The following CFAP53 variants were observed in gnomAD, a reference collection of about 807,000 sequenced individuals.
The protein encoded by CFAP53 is cilia and flagella associated protein 53.
CFAP53 carries 62 observed loss-of-function variants against 59.7 expected under a neutral mutation model. The ratio of observed to expected loss-of-function variants is 1.04; its 90% confidence interval spans 0.85 to 1.28. The LOEUF (loss-of-function observed/expected upper bound fraction) is 1.28, where lower values mean the gene tolerates loss of function less well. Ranked by LOEUF, CFAP53 falls within the 50% of genes most tolerant of loss-of-function variation. CFAP53 has a pLI of 0.00. For synonymous variants in CFAP53, 218 were observed against 205.7 expected (o/e 1.06, Z -0.51); for missense variants, 629 against 615.6 (o/e 1.02, Z -0.23).
chr18:50,251,330 G>A, intron 4 of CFAP53, 151 bp downstream of exon 4: 1 of 697,082 alleles, frequency 1.4e-6, no homozygotes, highest in East Asian at 2.7e-5. Flanking sequence ...CACACATTTG[G>A]ATACATTATT....
intron 2 of CFAP53, among the ~76,000 whole-genome samples, chr18:50,261,655 G>A (rs574628546): frequency 7.9e-5 from 12 of 152,100 alleles, no homozygotes; most frequent in Admixed American, 2.6e-4. Context: ...GCCTCCCAAA[G>A]TGGTAGGATT....
chr18:50,245,167 G>A, intron 5 of CFAP53, among the ~76,000 whole-genome samples: 1 of 151,252 alleles, frequency 6.6e-6, no homozygotes, highest in Non-Finnish European at 1.5e-5. Flanking sequence ...TGGATCATGA[G>A]GTCAGGAGAT....
chr18:50,245,426 G>A (rs1157333336), intron 5 of CFAP53, among the ~76,000 whole-genome samples: 2 of 149,986 alleles, frequency 1.3e-5, no homozygotes, highest in Admixed American at 6.6e-5. Context: ...AACGAGTTTA[G>A]CAATGTTGCA....
At chr18:50,251,813 C>T (rs749126349) in intron 3 of CFAP53, 29 bp from the exon 4 acceptor site, 2 of 1,595,788 alleles carry the variant, frequency 1.3e-6, no homozygotes, top group Non-Finnish European at 1.7e-6. Context: ...AAAGACAAAA[C>T]CCAGCCTTTC....
intron 6 of CFAP53, among the ~76,000 whole-genome samples, chr18:50,240,152 C>G (rs1355632372): frequency 6.6e-6 from 1 of 151,924 alleles, no homozygotes; most frequent in East Asian, 1.9e-4. Flanking sequence ...TCATCTGCCC[C>G]ACCCTGACTC....
At chr18:50,238,048 A>C (rs1599116462) in intron 7 of CFAP53, among the ~76,000 whole-genome samples, 1 of 152,210 alleles carries the variant, frequency 6.6e-6, no homozygotes, top group Admixed American at 6.5e-5. Flanking sequence ...ATTTTTAAAG[A>C]TATTCATCCA....
chr18:50,229,179 T>C (rs1333182910), intron 7 of CFAP53, among the ~76,000 whole-genome samples: 1 of 152,206 alleles, frequency 6.6e-6, no homozygotes, highest in African/African-American at 2.4e-5. Context: ...TAAGTCTCCA[T>C]ATTGCTGTAA....
chr18:50,236,775 A>C (rs1402536277), intron 7 of CFAP53, among the ~76,000 whole-genome samples: 2 of 152,140 alleles, frequency 1.3e-5, no homozygotes, highest in Non-Finnish European at 2.9e-5. Flanking sequence ...CTTCAATGAC[A>C]TGAGATGTTC....
At chr18:50,237,796 C>A (rs531526255) in intron 7 of CFAP53, among the ~76,000 whole-genome samples, 7 of 152,258 alleles carry the variant, frequency 4.6e-5, no homozygotes, top group African/African-American at 1.7e-4. Context: ...CAGCCTAAGG[C>A]CTGTCAGAGG....
rs111345434 is a variant in CFAP53 at position 50,258,984 on chromosome 18, G to T, written c.473+2080C>A. On this transcript the variant is annotated intron_variant, in intron 3 of 7. Coordinates refer to ENST00000398545, the MANE Select transcript of CFAP53 (RefSeq NM_145020.5). Reference sequence around the variant, plus strand: ...ATCTTGGTGAGGATGCAGAGAAAAGGGAACCCTTGTACACTGTTTGTGGGA... The same window carrying T: ...ATCTTGGTGAGGATGCAGAGAAAAGTGAACCCTTGTACACTGTTTGTGGGA... 5.7e-3 allele frequency among the ~76,000 whole-genome samples: 873 copies of T among 152,268 alleles called. 7 individuals are homozygous for T. Among genetic ancestry groups the T allele is most frequent in the African/African-American group, 0.02 (831 of 41,542 alleles).
At chr18:50,230,946 T>C (rs2033578037) in intron 7 of CFAP53, among the ~76,000 whole-genome samples, 1 of 152,182 alleles carries the variant, frequency 6.6e-6, no homozygotes, top group African/African-American at 2.4e-5. Context: ...GTGTATCCTA[T>C]TTAGGGAAAA....
chr18:50,242,919 T>G lies in CFAP53; in HGVS notation c.1194A>C (p.Lys398Asn), dbSNP rs566811364. ...QLVDEVMCTR[K>N]LQVQEKLQRE... ...CCTTACACTTTTCTTGAACTTGAAG[T>G]TTTCTTGTACACATGACCTCATCCA... Residue 398 changes from lysine (K) to asparagine (N), a missense_variant, in exon 6 of 8, where the codon AAA becomes AAC. Coordinates refer to ENST00000398545, the MANE Select transcript of CFAP53 (RefSeq NM_145020.5). The G allele has an allele frequency of 6.2e-7, 1 of 1,613,454 alleles. No homozygotes were observed. The highest frequency in any genetic ancestry group is 1.3e-5 in the African/African-American group (1 of 75,042).
In CFAP53 at chr18:50,262,122, G is replaced by C. The variant is rs1315920552; in HGVS notation, c.167C>G (p.Ser56Ter). ...AGCTTTCAAGCGATCCCGCTCACTT[G>C]ACTTAATGGAAGCCAAAATAGCATT... is the stretch of plus-strand genomic sequence containing the variant. ...KHNAILASIK[S>*]SERDRLKAEW... is the part of the protein sequence containing the mutation. Residue 56 changes from serine (S) to a stop codon, truncating the protein, a stop_gained, in exon 2 of 8, where the codon TCA (serine) becomes TGA (stop). Coordinates refer to ENST00000398545, the MANE Select transcript of CFAP53 (RefSeq NM_145020.5). LOFTEE classifies it high-confidence loss of function. The C allele has an allele frequency of 6.2e-7, 1 of 1,614,080 alleles. No individual in the cohort carries two copies. Among genetic ancestry groups the C allele is most frequent in the East Asian group, 2.2e-5 (1 of 44,896 alleles).
At chr18:50,231,986 G>A (rs1400478397) in intron 7 of CFAP53, among the ~76,000 whole-genome samples, 1 of 152,132 alleles carries the variant, frequency 6.6e-6, no homozygotes, top group Non-Finnish European at 1.5e-5. Context: ...CTTGTACCTG[G>A]ACTGGCCATC....
intron 7 of CFAP53, among the ~76,000 whole-genome samples, chr18:50,233,858 A>C (rs2033605650): frequency 6.6e-6 from 1 of 152,154 alleles, no homozygotes; most frequent in African/African-American, 2.4e-5. Context: ...ATTCAACTAC[A>C]CCATTTACAC....
chr18:50,254,588 A>G (rs1872672745), intron 3 of CFAP53, among the ~76,000 whole-genome samples: 1 of 152,192 alleles, frequency 6.6e-6, no homozygotes, highest in South Asian at 2.1e-4. Flanking sequence ...TTTATTAAAA[A>G]AGAAAAAATT....
At position 50,227,216 on chromosome 18, in the gene CFAP53, T is replaced by C; in HGVS notation, c.*165A>G. 1 of 597,562 alleles carries C rather than the reference T, an allele frequency of 1.7e-6. No individual in the cohort carries two copies. The highest frequency in any genetic ancestry group is 2.9e-6 in the Non-Finnish European group (1 of 343,666). 37.0% of individuals were successfully genotyped at this position (597,562 alleles called of 1,614,324 possible). On this transcript the variant is annotated 3_prime_UTR_variant, in exon 8 of 8. Coordinates refer to ENST00000398545, the MANE Select transcript of CFAP53 (RefSeq NM_145020.5). ...CATTTGGATTTGTAAGTCTGTGAAC[T>C]CCAAAATAGGCACAGGTTTATTCAA...
Position 50,251,689 on chromosome 18 carries a change from A to G in CFAP53, c.569T>C (p.Leu190Pro). The G allele has an allele frequency of 6.2e-6, 10 of 1,614,186 alleles. No homozygotes were observed. Among genetic ancestry groups the G allele is most frequent in the Non-Finnish European group, 7.6e-6 (9 of 1,180,030 alleles). Residue 190 changes from leucine to proline, a missense_variant, in exon 4 of 8, where the codon CTG becomes CCG. Physicochemically the swap from Leu to Pro is moderately conservative, Grantham distance 98 (BLOSUM62 -3). Coordinates refer to ENST00000398545, the MANE Select transcript of CFAP53 (RefSeq NM_145020.5). ...RKAQIAFNEELSRQKLVEEQM... is the reference protein window; with the variant it reads ...RKAQIAFNEEPSRQKLVEEQM... ...CTCTTCCACCAGCTTTTGCCTGCTCAGCTCCTCATTAAATGCAATCTGTGC... is the reference window on the plus strand; with the variant it reads ...CTCTTCCACCAGCTTTTGCCTGCTCGGCTCCTCATTAAATGCAATCTGTGC...
At chr18:50,261,260 A>G in intron 2 of CFAP53, 23 bp from the exon 3 acceptor site, 1 of 1,504,332 alleles carries the variant, frequency 6.6e-7, no homozygotes. Flanking sequence ...GCCAAAAAAA[A>G]AAAAAAAAAA....
Sources: gnomAD v4.1 joint callset for allele counts (sites outside exome capture counted in the v4.1 genomes callset) on GRCh38, gnomAD v4.1.1 for gene constraint, MANE v1.5 for transcripts, NCBI Gene and HGNC (gene_info 2026-07-23, HGNC 2026-07-21) for gene names.